OR7D2: variants seen among roughly 807,000 people sequenced by gnomAD.
OR7D2 encodes olfactory receptor 7D2.
For synonymous variants in OR7D2, 158 were observed against 158.7 expected (o/e 1.00, Z 0.03); for missense variants, 370 against 384.1 (o/e 0.96, Z 0.31).
chr19:9,180,620 T>G (rs1349949045), intron 1 of OR7D2, 78 bp from the exon 2 acceptor site: 1 of 152,132 alleles, frequency 6.6e-6, no homozygotes. Context: ...CTTTTGCATC[T>G]GTTGTCAACA....
At chr19:9,180,973 A>G (rs1043641660) in intron 2 of OR7D2, among the ~76,000 whole-genome samples, 185 bp downstream of exon 2, 3 of 151,960 alleles carry the variant, frequency 2.0e-5, no homozygotes, top group African/African-American at 7.3e-5. Flanking sequence ...AAAAATACAA[A>G]AATTAGCCGG....
chr19:9,184,762 T>C (rs1333188475), intron 2 of OR7D2, among the ~76,000 whole-genome samples: 1 of 152,174 alleles, frequency 6.6e-6, no homozygotes, highest in East Asian at 1.9e-4. Flanking sequence ...TGTATATATA[T>C]GTATGTGTGT....
intron 1 of OR7D2, among the ~76,000 whole-genome samples, chr19:9,180,411 C>G (rs2145978251): frequency 6.6e-6 from 1 of 152,244 alleles, no homozygotes; most frequent in East Asian, 1.9e-4. Flanking sequence ...AGCACCCAGC[C>G]AGGCTGTTAC....
At chr19:9,185,578 A>ATTTTATTTTTTAT (rs2051024383) in intron 2 of OR7D2, 191 bp from the exon 3 acceptor site, 2 of 250,672 alleles carry the variant, frequency 8.0e-6, no homozygotes. Context: ...TTTTATTTTT[A>ATTTTATTTTTTAT]TTTTATTTTT....
chr19:9,183,801 C>CA (rs1252980935), intron 2 of OR7D2, among the ~76,000 whole-genome samples: 3 of 143,978 alleles, frequency 2.1e-5, no homozygotes. Context: ...ACTAAAAGTA[C>CA]AAAAAATTAG....
Position 9,185,827 on chromosome 19 carries a change from GGACTCTCT to G in OR7D2, c.49_56del (p.Leu17GlyfsTer33), listed in dbSNP as rs2051026387. The G allele has an allele frequency of 1.9e-6, 3 of 1,605,628 alleles. No individual in the cohort carries two copies. The highest frequency in any genetic ancestry group is 1.7e-4 in the Middle Eastern group (1 of 6,018). On this transcript the variant is annotated frameshift_variant, in exon 3 of 3. Transcript: ENST00000641288. LOFTEE classifies it low-confidence loss of function (END_TRUNC). ...AGGATTTTTAGAGTTTATCCTTCTCGGACTCTCTGAGGATCCAGAACTACAGCCGTTCA... is the reference window on the plus strand; with the variant it reads ...AGGATTTTTAGAGTTTATCCTTCTCGGAGGATCCAGAACTACAGCCGTTCA...
Position 9,182,432 on chromosome 19 carries a change from G to A in OR7D2, c.-14+1644G>A, listed in dbSNP as rs559475502. The A allele has an allele frequency of 3.4e-4, 110 of 322,924 alleles. 2 individuals carry two copies. The highest frequency in any genetic ancestry group is 2.2e-3 in the African/African-American group (96 of 44,470). The allele number at this position is 322,924 out of a possible 1,614,324, so 20.0% of individuals were successfully genotyped here. A position where few individuals can be genotyped will look rare whatever the true frequency, so the allele number is the denominator to read the frequency against. ...CAATTTCAGGCGCAACTGGGAATTC[G>A]GGAATCTCGGTGGAGCTGTTAGCGT... On this transcript the variant is annotated intron_variant, in intron 2 of 2. Transcript: ENST00000641288.
rs530780617 is a variant in OR7D2 at position 9,188,072 on chromosome 19, G to A, written c.*1352G>A. The A allele has an allele frequency of 5.0e-5, 8 of 161,116 alleles. 1 individual carries two copies. The highest frequency in any genetic ancestry group is 4.4e-5 in the Non-Finnish European group (3 of 68,014). The allele number at this position is 161,116 out of a possible 1,614,324, so 10.0% of individuals were successfully genotyped here. A position where few individuals can be genotyped will look rare whatever the true frequency, so the allele number is the denominator to read the frequency against. ...AGTAGTGGAACTGCTGGACTGAAAG[G>A]TAGTTCTACTTTTAGTTCTTTTTTT... On this transcript the variant is annotated 3_prime_UTR_variant, in exon 3 of 3. Coordinates refer to ENST00000641288, the MANE Select transcript of OR7D2 (RefSeq NM_175883.4).
intron 2 of OR7D2, among the ~76,000 whole-genome samples, chr19:9,184,440 T>C (rs1386662052): frequency 6.6e-6 from 1 of 151,330 alleles, no homozygotes; most frequent in Admixed American, 6.6e-5. Context: ...AAATTAAAAT[T>C]TTGAGACTCT....
At chr19:9,182,805 G>T in intron 2 of OR7D2, 1 of 190,794 alleles carries the variant, frequency 5.2e-6, no homozygotes, top group Non-Finnish European at 1.1e-5. Context: ...ACAGGCGTGA[G>T]CCACCGCGCC....
chr19:9,184,165 C>A (rs2051013175), intron 2 of OR7D2, among the ~76,000 whole-genome samples: 1 of 151,500 alleles, frequency 6.6e-6, no homozygotes, highest in Non-Finnish European at 1.5e-5. Flanking sequence ...GAGGCCAAGG[C>A]GGGTGGATCA....
In OR7D2 at chr19:9,186,315, C is replaced by T. The variant is rs267605820; in HGVS notation, c.534C>T (p.Phe178=). The change falls in exon 3 of 3, where the codon TTC becomes TTT. Residue 178 remains phenylalanine (F), a synonymous_variant. Transcript: ENST00000641288. ...FCKDFEIPHF[F]CELTYILQLA... ...AAGATTTTGAAATTCCACATTTTTT[C>T]TGCGAACTGACGTACATCCTCCAGC... 1 of 1,614,016 alleles carries T rather than the reference C, an allele frequency of 6.2e-7. No individual in the cohort carries two copies. The highest frequency in any genetic ancestry group is 2.2e-5 in the East Asian group (1 of 44,878).
intron 2 of OR7D2, 119 bp from the exon 3 acceptor site, chr19:9,185,650 C>G: frequency 3.4e-6 from 2 of 591,748 alleles, no homozygotes; most frequent in East Asian, 5.6e-5. Flanking sequence ...GTGGTGTAAA[C>G]ATAGCTCCCT....
intron 2 of OR7D2, among the ~76,000 whole-genome samples, chr19:9,184,445 G>C (rs1281951448): frequency 6.6e-6 from 1 of 151,640 alleles, no homozygotes; most frequent in Non-Finnish European, 1.5e-5. Flanking sequence ...AAAATTTTGA[G>C]ACTCTTTCTC....
intron 2 of OR7D2, among the ~76,000 whole-genome samples, chr19:9,182,033 G>T (rs2050992833): frequency 6.6e-6 from 1 of 152,168 alleles, no homozygotes; most frequent in Admixed American, 6.5e-5. Context: ...ATTCTATTTT[G>T]TTTGGGACGT....
Position 9,186,125 on chromosome 19 carries a change from T to C in OR7D2, c.344T>C (p.Leu115Pro), listed in dbSNP as rs141625717. 9.4e-5 allele frequency: 151 copies of C among 1,614,146 alleles called. 1 individual carries two copies. The African/African-American group carries it at 1.9e-3, about 20-fold the overall frequency. Residue 115 changes from leucine (L) to proline (P), a missense_variant, in exon 3 of 3, where the codon CTG becomes CCG. By Grantham distance (98) the Leu-to-Pro change is moderately conservative. Coordinates refer to ENST00000641288, the MANE Select transcript of OR7D2 (RefSeq NM_175883.4). ...TTTCCTATTCTGGACACGCTACTCCTGACCGTGATGGCCTATGACCGGTTT... is the reference window on the plus strand; with the variant it reads ...TTTCCTATTCTGGACACGCTACTCCCGACCGTGATGGCCTATGACCGGTTT... ...MFFPILDTLL[L>P]TVMAYDRFVA... is the part of the protein sequence containing the mutation.
Position 9,187,446 on chromosome 19 carries a change from G to A in OR7D2, c.*726G>A, listed in dbSNP as rs1408000765. ...GTAGTACTCCATTGTATATATCCTCGATATCTATATAGATATAGACATATG... is the reference window on the plus strand; with the variant it reads ...GTAGTACTCCATTGTATATATCCTCAATATCTATATAGATATAGACATATG... On this transcript the variant is annotated 3_prime_UTR_variant, in exon 3 of 3. Coordinates refer to ENST00000641288, the MANE Select transcript of OR7D2 (RefSeq NM_175883.4). The A allele has an allele frequency of 5.4e-5, 9 of 165,228 alleles. No homozygotes were observed. The South Asian group carries it at 6.3e-4, about 11-fold the overall frequency. The allele number at this position is 165,228 out of a possible 1,614,324, so 10.2% of individuals were successfully genotyped here.
chr19:9,186,404 T>C lies in OR7D2; in HGVS notation c.623T>C (p.Val208Ala). The C allele has an allele frequency of 6.2e-7, 1 of 1,614,112 alleles. No homozygotes were observed. Among genetic ancestry groups the C allele is most frequent in the Non-Finnish European group, 8.5e-7 (1 of 1,180,000 alleles). ...TACTTTATGACGGGTGTGCTGGGCGTTTTTCCCCTCCTTGGGATCATTTTC... is the reference window on the plus strand; with the variant it reads ...TACTTTATGACGGGTGTGCTGGGCGCTTTTCCCCTCCTTGGGATCATTTTC... ...LIYFMTGVLG[V>A]FPLLGIIFSY... Residue 208 changes from valine (V) to alanine (A), a missense_variant, in exon 3 of 3, where the codon GTT becomes GCT. Physicochemically the swap from Val to Ala is moderately conservative, Grantham distance 64. Transcript: ENST00000641288.
At chr19:9,183,016 A>G in intron 2 of OR7D2, 1 of 420,230 alleles carries the variant, frequency 2.4e-6, no homozygotes, top group East Asian at 6.1e-5. Context: ...CAGGGCCTTC[A>G]CAGCCACCGT....
Sources: allele counts gnomAD v4.1 joint callset (sites outside exome capture counted in the v4.1 genomes callset), GRCh38; gene constraint gnomAD v4.1.1; transcripts MANE v1.5; gene names NCBI Gene and HGNC (gene_info 2026-07-23, HGNC 2026-07-21).